EME2: variants seen among roughly 807,000 people sequenced by gnomAD.
EME2 encodes the protein structure-specific endonuclease subunit EME2.
Under a neutral mutation model 41.9 loss-of-function variants are expected in EME2, and 58 were observed. That is an observed-to-expected ratio of 1.38 (90% CI 1.12 to 1.72). EME2 has a LOEUF of 1.72. EME2 is among the 40% of genes most tolerant of loss of function. The probability of loss-of-function intolerance (pLI) is 0.00; values close to 1 mark genes in which losing one functional copy is unlikely to be tolerated. For synonymous variants in EME2, 334 were observed against 239.3 expected, an observed-to-expected ratio of 1.40 and a Z score of -3.65; for missense variants, 695 against 541.9, an observed-to-expected ratio of 1.28 and a Z score of -2.81.
Position 1,774,277 on chromosome 16 carries a change from G to T in EME2, c.402G>T (p.Trp134Cys). 3 of 1,612,738 alleles carry T rather than the reference G, an allele frequency of 1.9e-6. No homozygotes were observed. Among genetic ancestry groups the T allele is most frequent in the Non-Finnish European group, 2.5e-6 (3 of 1,179,928 alleles). ...CCCCACAGCTGCCTCCTGAAGTGTGGGCTGCAGGTGAACAGGAATTGCTGC... is the reference window on the plus strand; with the variant it reads ...CCCCACAGCTGCCTCCTGAAGTGTGTGCTGCAGGTGAACAGGAATTGCTGC... Reference protein sequence around the residue: ...PCPRSLPPEVWAAGEQELLLL... With the variant: ...PCPRSLPPEVCAAGEQELLLL... The change falls in exon 3 of 8, where the codon TGG (tryptophan) becomes TGT (cysteine). Residue 134 changes from tryptophan to cysteine, a missense_variant. Trp to Cys is a radical substitution (Grantham distance 215, BLOSUM62 -2). Transcript: ENST00000568449.
rs540935603 is a variant in EME2, at chr16:1,778,739, A to G, written c.*2501A>G. Reference sequence around the variant, plus strand: ...AGGATGGGGGTCCAGGCCTCCAGGGACTTCACAGTACCCCGAGCGCACAGC... The same window carrying G: ...AGGATGGGGGTCCAGGCCTCCAGGGGCTTCACAGTACCCCGAGCGCACAGC... On this transcript the variant is annotated 3_prime_UTR_variant, in exon 8 of 8. Coordinates refer to ENST00000568449, the MANE Select transcript of EME2 (RefSeq NM_001257370.2). The G allele has an allele frequency of 3.7e-5, 38 of 1,033,810 alleles. No individual in the cohort carries two copies. The African/African-American group carries it at 5.5e-4, about 15-fold the overall frequency. 64.0% of individuals were successfully genotyped at this position (1,033,810 alleles called of 1,614,324 possible). A position where few individuals can be genotyped will look rare whatever the true frequency, so the allele number is the denominator to read the frequency against.
Position 1,773,045 on chromosome 16 carries a change from C to A in EME2, c.-183C>A, listed in dbSNP as rs1332638488. On this transcript the variant is annotated 5_prime_UTR_variant, in exon 1 of 8. Coordinates refer to ENST00000568449, the MANE Select transcript of EME2 (RefSeq NM_001257370.2). ...AGAGCTGGGAGTCGCGCGGCCTGTT[C>A]AGTTGCTCCCGCAGGGCGCGCACGC... 1.4e-6 allele frequency: 2 copies of A among 1,427,904 alleles called. No homozygotes were observed. The highest frequency in any genetic ancestry group is 1.5e-5 in the South Asian group (1 of 66,488). The allele number at this position is 1,427,904 out of a possible 1,614,324, so 88.5% of individuals were successfully genotyped here. A position where few individuals can be genotyped will look rare whatever the true frequency, so the allele number is the denominator to read the frequency against.
intron 6 of EME2, 40 bp from the exon 7 acceptor site, chr16:1,775,757 T>C: frequency 5.0e-6 from 8 of 1,612,170 alleles, no homozygotes; most frequent in Non-Finnish European, 6.8e-6. Flanking sequence ...TTTTGGGAGC[T>C]GCTCACATGA....
At chr16:1,775,252 G>A in intron 4 of EME2, 63 bp from the exon 5 acceptor site, 1 of 1,599,854 alleles carries the variant, frequency 6.3e-7, no homozygotes, top group Non-Finnish European at 8.5e-7. Context: ...GGCTCTGGCA[G>A]AGGCCAAGCT....
At chr16:1,773,586 C>T (rs2042664188) in intron 1 of EME2, 112 bp downstream of exon 1, 1 of 1,519,704 alleles carries the variant, frequency 6.6e-7, no homozygotes, top group African/African-American at 1.4e-5. Context: ...GGGGCCGGGC[C>T]CGCCTCCCAG....
At position 1,779,303 on chromosome 16, in the gene EME2, G is replaced by A. The variant is rs1308629596; in HGVS notation, c.*3065G>A. 6.6e-6 allele frequency: 1 copy of A among 152,454 alleles called. No individual in the cohort carries two copies. The allele number at this position is 152,454 out of a possible 1,614,324, so 9.4% of individuals were successfully genotyped here. A position where few individuals can be genotyped will look rare whatever the true frequency, so the allele number is the denominator to read the frequency against. ...CCCTCCCAGCCTCCTCCCTGTCACA[G>A]ACTGTGTGGGGGCCACCCAGGGGCT... On this transcript the variant is annotated 3_prime_UTR_variant, in exon 8 of 8. Coordinates refer to ENST00000568449, the MANE Select transcript of EME2 (RefSeq NM_001257370.2).
Position 1,776,957 on chromosome 16 carries a change from C to A in EME2, c.*719C>A. 1.0e-6 allele frequency: 1 copy of A among 973,178 alleles called. No individual in the cohort carries two copies. Among genetic ancestry groups the A allele is most frequent in the Non-Finnish European group, 1.5e-6 (1 of 668,390 alleles). 60.3% of individuals were successfully genotyped at this position (973,178 alleles called of 1,614,324 possible). A position where few individuals can be genotyped will look rare whatever the true frequency, so the allele number is the denominator to read the frequency against. On this transcript the variant is annotated 3_prime_UTR_variant, in exon 8 of 8. Coordinates refer to ENST00000568449, the MANE Select transcript of EME2 (RefSeq NM_001257370.2). ...CCCACAGAAAGGACTGTCCCAGCCT[C>A]GGGAGCAAGAGATGGCTCCCTCCGG...
Position 1,781,208 on chromosome 16 carries a change from C to T in EME2, c.*4970C>T, listed in dbSNP as rs751900238. 1 of 1,566,458 alleles carries T rather than the reference C, an allele frequency of 6.4e-7. No individual in the cohort carries two copies. Among genetic ancestry groups the T allele is most frequent in the Admixed American group, 1.8e-5 (1 of 54,164 alleles). ...AGAGTCTTACTGAATGCGGTGCATC[C>T]AGGAGACAGGCCCAGGTTTGGACTG... On this transcript the variant is annotated 3_prime_UTR_variant, in exon 8 of 8. Transcript: ENST00000568449.
chr16:1,772,988 C>A lies in EME2; in HGVS notation c.-240C>A. On this transcript the variant is annotated 5_prime_UTR_variant, in exon 1 of 8. Transcript: ENST00000568449. ...GGACCGGCAGCCGGCGTCCAGAGAA[C>A]GGCCGCGTCAAGGTCTCGTAGTCCA... is the stretch of plus-strand genomic sequence containing the variant. 6.9e-7 allele frequency: 1 copy of A among 1,451,868 alleles called. No homozygotes were observed. Among genetic ancestry groups the A allele is most frequent in the South Asian group, 1.4e-5 (1 of 71,204 alleles). The allele number at this position is 1,451,868 out of a possible 1,614,324, so 89.9% of individuals were successfully genotyped here. A position where few individuals can be genotyped will look rare whatever the true frequency, so the allele number is the denominator to read the frequency against.
chr16:1,773,867 C>G, intron 2 of EME2, 26 bp downstream of exon 2: 1 of 1,520,910 alleles, frequency 6.6e-7, no homozygotes, highest in South Asian at 1.3e-5. Context: ...TTCCCGAGGG[C>G]CAGCCGCGAG....
Position 1,775,388 on chromosome 16 carries a change from A to G in EME2, c.643A>G (p.Ser215Gly), listed in dbSNP as rs1469772038. 2 of 1,612,614 alleles carry G rather than the reference A, an allele frequency of 1.2e-6. No homozygotes were observed. The highest frequency in any genetic ancestry group is 2.2e-5 in the East Asian group (1 of 44,878). Residue 215 changes from serine to glycine, a missense_variant, in exon 5 of 8, where the codon AGC (serine) becomes GGC (glycine). Physicochemically the swap from Ser to Gly is moderately conservative, Grantham distance 56. Coordinates refer to ENST00000568449, the MANE Select transcript of EME2 (RefSeq NM_001257370.2). ...GGTGGCCGGTGCCGAGGTGGCCGTCAGCTGGCCGGAGGTGGAAGAGGTGAG... is the reference window on the plus strand; with the variant it reads ...GGTGGCCGGTGCCGAGGTGGCCGTCGGCTGGCCGGAGGTGGAAGAGGTGAG... ...PKVAGAEVAV[S>G]WPEVEEALVL...
In EME2 at chr16:1,777,267, G is replaced by A. The variant is rs1382345367; in HGVS notation, c.*1029G>A. The A allele has an allele frequency of 3.1e-6, 5 of 1,610,356 alleles. No homozygotes were observed. The highest frequency in any genetic ancestry group is 1.3e-5 in the African/African-American group (1 of 74,938). ...ACCTGCTTGAGGCCCGGCGGCAGCGGCAGACCCTCCAGCGTGTCTCCCGAG... is the reference window on the plus strand; with the variant it reads ...ACCTGCTTGAGGCCCGGCGGCAGCGACAGACCCTCCAGCGTGTCTCCCGAG... On this transcript the variant is annotated 3_prime_UTR_variant, in exon 8 of 8. Coordinates refer to ENST00000568449, the MANE Select transcript of EME2 (RefSeq NM_001257370.2).
Position 1,777,440 on chromosome 16 carries a change from A to T in EME2, c.*1202A>T. On this transcript the variant is annotated 3_prime_UTR_variant, in exon 8 of 8. Coordinates refer to ENST00000568449, the MANE Select transcript of EME2 (RefSeq NM_001257370.2). ...CTTGTTCTGCAGCTTGGTGGCTGCC[A>T]CACCTGGAAGGGAGGGGCCCAGCCT... 1 of 1,512,804 alleles carries T rather than the reference A, an allele frequency of 6.6e-7. No individual in the cohort carries two copies. The highest frequency in any genetic ancestry group is 8.8e-7 in the Non-Finnish European group (1 of 1,131,718). The allele number at this position is 1,512,804 out of a possible 1,614,324, so 93.7% of individuals were successfully genotyped here. A position where few individuals can be genotyped will look rare whatever the true frequency, so the allele number is the denominator to read the frequency against.
chr16:1,772,936 T>C lies in EME2; in HGVS notation c.-292T>C. The stretch of plus-strand genomic sequence containing the variant: ...CGGCCGAGCAGCTGCAAGAGGCGGC[T>C]CTCGCGGCGCACGTCGGCCCAGGCC... On this transcript the variant is annotated 5_prime_UTR_variant, in exon 1 of 8. Transcript: ENST00000568449. 1 of 1,446,098 alleles carries C rather than the reference T, an allele frequency of 6.9e-7. No individual in the cohort carries two copies. The highest frequency in any genetic ancestry group is 9.0e-7 in the Non-Finnish European group (1 of 1,105,224). 89.6% of individuals were successfully genotyped at this position (1,446,098 alleles called of 1,614,324 possible).
rs1182103782 is a variant in EME2 at position 1,780,181 on chromosome 16, A to G, written c.*3943A>G. On this transcript the variant is annotated 3_prime_UTR_variant, in exon 8 of 8. Coordinates refer to ENST00000568449, the MANE Select transcript of EME2 (RefSeq NM_001257370.2). ...GACAAGCAGCATGCGTGTGTCAGAC[A>G]CTGGCCTGGCCTGTGGACACGCCCG... 2 of 152,094 alleles carry G rather than the reference A, an allele frequency of 1.3e-5. No homozygotes were observed. The highest frequency in any genetic ancestry group is 4.8e-5 in the African/African-American group (2 of 41,350). 9.4% of individuals were successfully genotyped at this position (152,094 alleles called of 1,614,324 possible).
rs111388867 is a variant in EME2, at chr16:1,778,080, G to A, written c.*1842G>A. On this transcript the variant is annotated 3_prime_UTR_variant, in exon 8 of 8. Coordinates refer to ENST00000568449, the MANE Select transcript of EME2 (RefSeq NM_001257370.2). ...ACAGGGGCCAGGCAGAGGGCGCGGGGCTGGGCTGCCGGAGCCAGGTTCCCC... is the reference window on the plus strand; with the variant it reads ...ACAGGGGCCAGGCAGAGGGCGCGGGACTGGGCTGCCGGAGCCAGGTTCCCC... 2,432 of 1,613,024 alleles carry A rather than the reference G, an allele frequency of 1.5e-3. 4 individuals are homozygous for A. Among genetic ancestry groups the A allele is most frequent in the Non-Finnish European group, 1.9e-3 (2,258 of 1,179,976 alleles).
Position 1,781,680 on chromosome 16 carries a change from C to T in EME2, c.*5442C>T. The T allele has an allele frequency of 1.6e-6, 1 of 613,384 alleles. No individual in the cohort carries two copies. Among genetic ancestry groups the T allele is most frequent in the Admixed American group, 3.0e-5 (1 of 32,994 alleles). The allele number at this position is 613,384 out of a possible 1,614,324, so 38.0% of individuals were successfully genotyped here. A position where few individuals can be genotyped will look rare whatever the true frequency, so the allele number is the denominator to read the frequency against. ...AGGATCTGAGCAGCTCAATAAAACC[C>T]AGGTAGATCCTGTGAAACGCCACCC... On this transcript the variant is annotated 3_prime_UTR_variant, in exon 8 of 8. Coordinates refer to ENST00000568449, the MANE Select transcript of EME2 (RefSeq NM_001257370.2).
At chr16:1,774,844 G>A (rs554507727) in intron 3 of EME2, 197 bp from the exon 4 acceptor site, 34 of 648,642 alleles carry the variant, frequency 5.2e-5, no homozygotes, top group Non-Finnish European at 8.0e-5. Context: ...AGCCACTCCA[G>A]GGTCTCCTTA....
intron 3 of EME2, chr16:1,774,821 CAT>C (rs2042684186): frequency 1.6e-6 from 1 of 613,756 alleles, no homozygotes; most frequent in Admixed American, 2.8e-5. Context: ...ATGGAACTGA[CAT>C]GTGCCCGAGC....
Sources: allele counts gnomAD v4.1 joint callset, GRCh38; gene constraint gnomAD v4.1.1; transcripts MANE v1.5; gene names NCBI Gene and HGNC (gene_info 2026-07-23, HGNC 2026-07-21).